The following ERCC6L2 variants were observed in gnomAD, a reference collection of about 807,000 sequenced individuals.
The protein encoded by ERCC6L2 is DNA excision repair protein ERCC-6-like 2.
ERCC6L2 carries 77 observed loss-of-function variants against 132.0 expected under a neutral mutation model. The observed-to-expected ratio is 0.58, with a 90% confidence interval of 0.49 to 0.71. The LOEUF is 0.71. Among genes scored for constraint, ERCC6L2 ranks in the 30% least tolerant of loss-of-function variants. The probability of loss-of-function intolerance (pLI) is 0.00; values close to 1 mark genes in which losing one functional copy is unlikely to be tolerated. For missense variants in ERCC6L2, 1,542 were observed against 1,837.6 expected, an observed-to-expected ratio of 0.84 and a Z score of 2.94; for synonymous variants, 583 against 632.4, an observed-to-expected ratio of 0.92 and a Z score of 1.17.
At chr9:95,952,578 A>G (rs955089946) in intron 12 of ERCC6L2, among the ~76,000 whole-genome samples, 1 of 152,216 alleles carries the variant, frequency 6.6e-6, no homozygotes, top group African/African-American at 2.4e-5. Flanking sequence ...CACATTAAAA[A>G]TAAAAGGAAA....
At chr9:95,912,922 C>A (rs1387259492) in intron 4 of ERCC6L2, among the ~76,000 whole-genome samples, 1 of 152,142 alleles carries the variant, frequency 6.6e-6, no homozygotes, top group Admixed American at 6.5e-5. Context: ...ACATTTTTGG[C>A]AAGAATGCTT....
At chr9:95,943,528 G>C (rs1432918571) in intron 12 of ERCC6L2, among the ~76,000 whole-genome samples, 1 of 152,064 alleles carries the variant, frequency 6.6e-6, no homozygotes, top group Non-Finnish European at 1.5e-5. Flanking sequence ...AAAACACCCA[G>C]GTTGTGGATC....
intron 19 of ERCC6L2, among the ~76,000 whole-genome samples, chr9:96,026,422 C>T (rs1300815086): frequency 2.0e-5 from 3 of 152,126 alleles, no homozygotes; most frequent in Non-Finnish European, 4.4e-5. Flanking sequence ...CCCCGGAGCG[C>T]CGCAGTGGGG....
At chr9:96,011,160 C>G (rs1789141119) in intron 18 of ERCC6L2, among the ~76,000 whole-genome samples, 1 of 152,174 alleles carries the variant, frequency 6.6e-6, no homozygotes, top group Admixed American at 6.5e-5. Flanking sequence ...GTCCACAGTT[C>G]TGGAGGCTGG....
intron 3 of ERCC6L2, among the ~76,000 whole-genome samples, chr9:95,905,922 A>G (rs920321426): frequency 6.6e-6 from 1 of 152,200 alleles, no homozygotes; most frequent in African/African-American, 2.4e-5. Context: ...ATCAAGTATA[A>G]AACTTTAGAA....
intron 2 of ERCC6L2, among the ~76,000 whole-genome samples, chr9:95,886,038 G>A (rs901770552): frequency 8.5e-5 from 13 of 152,086 alleles, no homozygotes; most frequent in African/African-American, 3.1e-4. Context: ...TTTTTGAGAT[G>A]GGGGTCTCAC....
chr9:95,915,957 G>A (rs1384951978), intron 5 of ERCC6L2, 128 bp downstream of exon 5: 57 of 950,378 alleles, frequency 6.0e-5, no homozygotes, highest in Non-Finnish European at 8.6e-5. Context: ...TTTGATCCCA[G>A]ATGTGGTATA....
At chr9:96,027,164 CCACA>C (rs746621075) in intron 19 of ERCC6L2, among the ~76,000 whole-genome samples, 42 of 148,804 alleles carry the variant, frequency 2.8e-4, no homozygotes, top group African/African-American at 9.9e-4. Context: ...ATGCACCACA[CCACA>C]CACACACACA....
chr9:95,892,440 T>TG (rs1935974426), intron 2 of ERCC6L2, among the ~76,000 whole-genome samples: 1 of 151,330 alleles, frequency 6.6e-6, no homozygotes, highest in Non-Finnish European at 1.5e-5. Context: ...TTTTTTTTTT[T>TG]TTTGAGGCAA....
chr9:95,878,706 T>C (rs1265565054), intron 1 of ERCC6L2, among the ~76,000 whole-genome samples: 1 of 147,960 alleles, frequency 6.8e-6, no homozygotes, highest in East Asian at 2.0e-4. Context: ...CCTTCCTGTG[T>C]CCATGTGTTC....
At chr9:96,022,903 C>G (rs1834314765), downstream of ERCC6L2, among the ~76,000 whole-genome samples, 1 of 152,128 alleles carries the variant, frequency 6.6e-6, no homozygotes, top group Non-Finnish European at 1.5e-5. Flanking sequence ...GCTGCTCCAC[C>G]CTCTCCCTCC....
intron 17 of ERCC6L2, among the ~76,000 whole-genome samples, chr9:95,988,174 G>T (rs1341485422): frequency 6.6e-6 from 1 of 152,222 alleles, no homozygotes; most frequent in Admixed American, 6.5e-5. Flanking sequence ...TTCTCAAAGA[G>T]ATTCTATAAA....
At chr9:95,980,709 A>G (rs1405431722) in intron 17 of ERCC6L2, among the ~76,000 whole-genome samples, 2 of 152,170 alleles carry the variant, frequency 1.3e-5, no homozygotes, top group African/African-American at 4.8e-5. Flanking sequence ...GTGGGTGGCA[A>G]TAGTGAATTT....
intron 17 of ERCC6L2, among the ~76,000 whole-genome samples, chr9:96,000,013 C>T (rs536597451): frequency 2.0e-4 from 30 of 151,760 alleles, no homozygotes; most frequent in Non-Finnish European, 3.5e-4. Context: ...CTCAGCCTCC[C>T]GAGTAGCTGG....
At chr9:96,024,112 C>G (rs572938214) in intron 19 of ERCC6L2, among the ~76,000 whole-genome samples, 1 of 152,314 alleles carries the variant, frequency 6.6e-6, no homozygotes, top group East Asian at 1.9e-4. Flanking sequence ...GAAATGACCA[C>G]CTCTAAAAGT....
At position 95,916,400 on chromosome 9, in the gene ERCC6L2, T is replaced by G; in HGVS notation, c.1124T>G (p.Leu375Arg). ...SGWFLRRTKT[L>R]IKDQLPKKED... ...TGGTTTCTCAGGCGCACCAAGACTCTTATCAAGGATCAGTTGCCTAAGAAG... is the reference window on the plus strand; with the variant it reads ...TGGTTTCTCAGGCGCACCAAGACTCGTATCAAGGATCAGTTGCCTAAGAAG... The change falls in exon 6 of 19, where the codon CTT (leucine) becomes CGT (arginine). Residue 375 changes from leucine (L) to arginine (R), a missense_variant. Leu to Arg is a moderately radical substitution (Grantham distance 102). Around this residue, in one of 4 missense-constraint regions of ERCC6L2, gnomAD observed 945 missense variants for 1,105.2 expected, o/e 0.86. Transcript: ENST00000653738. 6.3e-7 allele frequency: 1 copy of G among 1,589,678 alleles called. No homozygotes were observed. The highest frequency in any genetic ancestry group is 8.5e-7 in the Non-Finnish European group (1 of 1,172,230).
rs912238229 is a variant in ERCC6L2, at chr9:95,959,041, T to C, written c.1947+3028T>C. ...GGAAAAAACTACTTTAAAGTTCATA[T>C]GGAACCAAAAAAGAGCCTGCATCGC... On this transcript the variant is annotated intron_variant, in intron 13 of 18. Transcript: ENST00000653738. 9.9e-5 allele frequency among the ~76,000 whole-genome samples: 15 copies of C among 151,980 alleles called. 1 individual carries two copies. Among genetic ancestry groups the C allele is most frequent in the Admixed American group, 8.5e-4 (13 of 15,242 alleles).
At chr9:95,998,779 T>A (rs1442896662) in intron 17 of ERCC6L2, among the ~76,000 whole-genome samples, 1 of 152,190 alleles carries the variant, frequency 6.6e-6, no homozygotes, top group Non-Finnish European at 1.5e-5. Flanking sequence ...ATAATGAATT[T>A]ATGTTGTTTT....
chr9:95,986,864 T>G (rs1833116590), intron 17 of ERCC6L2, among the ~76,000 whole-genome samples: 1 of 152,166 alleles, frequency 6.6e-6, no homozygotes, highest in Non-Finnish European at 1.5e-5. Context: ...CACCAGAGAC[T>G]GGGTAATTTA....
Sources: gnomAD v4.1 joint callset for allele counts (sites outside exome capture counted in the v4.1 genomes callset) on GRCh38, gnomAD v4.1.1 for gene constraint, gnomAD v4.1.1 regional missense constraint, MANE v1.5 for transcripts, NCBI Gene and HGNC (gene_info 2026-07-23, HGNC 2026-07-21) for gene names.